The following NAMPT variants were observed in gnomAD, a reference collection of about 807,000 sequenced individuals.
NAMPT encodes the protein NAmPRTase.
In NAMPT, 7 loss-of-function variants were observed where a neutral mutation model predicts 58.7. That is an observed-to-expected ratio of 0.12 (90% CI 0.07 to 0.22). The LOEUF (loss-of-function observed/expected upper bound fraction) is 0.22, where lower values mean the gene tolerates loss of function less well. Among genes scored for constraint, NAMPT ranks in the 10% least tolerant of loss-of-function variants. The pLI is 1.00. For synonymous variants in NAMPT, 145 were observed against 198.1 expected (o/e 0.73, Z 2.25); for missense variants, 271 against 567.9 (o/e 0.48, Z 5.31).
chr7:106,255,789 C>A (rs1170808626), intron 8 of NAMPT, among the ~76,000 whole-genome samples: 1 of 151,818 alleles, frequency 6.6e-6, no homozygotes, highest in Non-Finnish European at 1.5e-5. Flanking sequence ...TAATTGTGAA[C>A]AAAGTGAATT....
chr7:106,280,883 G>A (rs780570511), intron 1 of NAMPT, among the ~76,000 whole-genome samples: 19 of 151,662 alleles, frequency 1.3e-4, no homozygotes, highest in Admixed American at 2.6e-4. Flanking sequence ...GGAGGTTGCC[G>A]TGAGCTGAGA....
At chr7:106,276,914 A>G (rs1426873221) in intron 2 of NAMPT, 109 bp downstream of exon 2, 14 of 853,986 alleles carry the variant, frequency 1.6e-5, no homozygotes, top group Non-Finnish European at 2.6e-5. Context: ...ACACCAAATT[A>G]TATGATTTAA....
intron 2 of NAMPT, chr7:106,276,636 A>G (rs1792650547): frequency 5.7e-6 from 1 of 174,260 alleles, no homozygotes; most frequent in Non-Finnish European, 1.2e-5. Flanking sequence ...TGAGGTCGAG[A>G]GTTCAAGACC....
At chr7:106,285,405 G>A (rs1792860352), upstream of NAMPT, 10 of 500,928 alleles carry the variant, frequency 2.0e-5, no homozygotes, top group Non-Finnish European at 2.6e-5. Flanking sequence ...GAGCCGGTTC[G>A]CCCGCCCCGC....
intron 2 of NAMPT, chr7:106,276,741 C>T: frequency 3.2e-6 from 1 of 308,422 alleles, no homozygotes; most frequent in Admixed American, 4.4e-5. Context: ...ACTCGGGAGG[C>T]AGAGGCAGGA....
upstream of NAMPT, chr7:106,285,267 TG>T: frequency 3.7e-6 from 3 of 820,378 alleles, no homozygotes; most frequent in Non-Finnish European, 4.5e-6. Context: ...ACGCCAGCTC[TG>T]GGAAGCTGGA....
At chr7:106,264,716 T>C (rs1400982508) in intron 6 of NAMPT, among the ~76,000 whole-genome samples, 1 of 152,112 alleles carries the variant, frequency 6.6e-6, no homozygotes, top group Non-Finnish European at 1.5e-5. Context: ...CAATTGGTCA[T>C]TCTCCCTAAT....
At chr7:106,269,787 C>G (rs562393396) in intron 4 of NAMPT, among the ~76,000 whole-genome samples, 1 of 152,078 alleles carries the variant, frequency 6.6e-6, no homozygotes, top group Admixed American at 6.5e-5. Flanking sequence ...AGCATTGGTC[C>G]GTGGACTGCA....
chr7:106,268,641 A>C (rs780308811), intron 5 of NAMPT, 41 bp from the exon 6 acceptor site: 1 of 1,468,316 alleles, frequency 6.8e-7, no homozygotes, highest in South Asian at 1.1e-5. Context: ...AACAGAAAGA[A>C]ACCCACATTA....
intron 8 of NAMPT, among the ~76,000 whole-genome samples, chr7:106,258,959 C>T (rs10275206): frequency 0.61 from 93,288 of 152,046 alleles, 29,071 homozygotes; most frequent in East Asian, 0.89. Flanking sequence ...CTGTTTGGTA[C>T]GATAGCGTTC....
chr7:106,256,692 A>ACTAAGTGT lies in NAMPT; in HGVS notation c.1090-2196_1090-2189dup, dbSNP rs1382859134. On this transcript the variant is annotated intron_variant, in intron 8 of 10. Coordinates refer to ENST00000222553, the MANE Select transcript of NAMPT (RefSeq NM_005746.3). ...TTAGATGACTGCTCAACTGTAGGCTACTAAGTGTTCTGAGCACCTGTAGGG... is the reference window on the plus strand; with the variant it reads ...TTAGATGACTGCTCAACTGTAGGCTACTAAGTGTCTAAGTGTTCTGAGCACCTGTAGGG... Among the ~76,000 whole-genome samples, 3 of 152,336 alleles carry ACTAAGTGT rather than the reference A, an allele frequency of 2.0e-5. No individual in the cohort carries two copies. In the East Asian group the frequency reaches 5.8e-4, roughly 29 times the overall value.
chr7:106,253,385 T>C (rs1792136858), intron 9 of NAMPT: 1 of 447,458 alleles, frequency 2.2e-6, no homozygotes, highest in Admixed American at 3.8e-5. Context: ...TTTTTGCCAC[T>C]GAAGAACACC....
intron 8 of NAMPT, among the ~76,000 whole-genome samples, chr7:106,257,629 A>C (rs969749042): frequency 6.6e-6 from 1 of 150,648 alleles, no homozygotes; most frequent in Non-Finnish European, 1.5e-5. Context: ...GTCCCTGTCA[A>C]AAAAAAAAAA....
chr7:106,272,271 A>G (rs1586023061), intron 4 of NAMPT: 1 of 302,980 alleles, frequency 3.3e-6, no homozygotes, highest in East Asian at 8.3e-5. Flanking sequence ...AATGAATTAG[A>G]TGAAAGCCAA....
chr7:106,284,750 G>GCCGCCC (rs1792836563), intron 1 of NAMPT, 78 bp downstream of exon 1: 4 of 145,562 alleles, frequency 2.7e-5, no homozygotes, highest in South Asian at 2.0e-4. Flanking sequence ...CCCAGCCCCA[G>GCCGCCC]CCGCCCCCGC....
chr7:106,276,870 A>G (rs1191124475), intron 2 of NAMPT, 153 bp downstream of exon 2: 4 of 636,688 alleles, frequency 6.3e-6, no homozygotes, highest in South Asian at 4.4e-5. Flanking sequence ...CTTTTATTTC[A>G]GAAAACTTTT....
At chr7:106,254,539 C>T (rs761064643) in intron 8 of NAMPT, 35 bp from the exon 9 acceptor site, 2 of 1,601,220 alleles carry the variant, frequency 1.2e-6, no homozygotes, top group South Asian at 1.1e-5. Context: ...CCAAACCAAA[C>T]CTTAATTTGG....
chr7:106,281,285 C>T (rs1792759617), intron 1 of NAMPT, among the ~76,000 whole-genome samples: 1 of 151,834 alleles, frequency 6.6e-6, no homozygotes, highest in African/African-American at 2.4e-5. Flanking sequence ...AAAAGAAAGC[C>T]TAGTTTTCTC....
At chr7:106,252,759 G>C (rs866552581) in intron 10 of NAMPT, among the ~76,000 whole-genome samples, 10 of 151,922 alleles carry the variant, frequency 6.6e-5, no homozygotes, top group African/African-American at 2.2e-4. Context: ...TTTGCTTTTG[G>C]ATAAAGTGTA....
Sources: allele counts gnomAD v4.1 joint callset (sites outside exome capture counted in the v4.1 genomes callset), GRCh38; gene constraint gnomAD v4.1.1; transcripts MANE v1.5; gene names NCBI Gene and HGNC (gene_info 2026-07-23, HGNC 2026-07-21).